MACROD2: variants seen among roughly 807,000 people sequenced by gnomAD.
MACROD2 encodes the protein mono-ADP ribosylhydrolase 2.
Under a neutral mutation model 70.4 loss-of-function variants are expected in MACROD2, and 36 were observed. The ratio of observed to expected loss-of-function variants is 0.51; its 90% CI spans 0.39 to 0.68. MACROD2 has a LOEUF of 0.68. Among genes scored for constraint, MACROD2 ranks in the 30% least tolerant of loss-of-function variants. The pLI is 0.00. For missense variants in MACROD2, 496 were observed against 538.4 expected, an observed-to-expected ratio of 0.92 and a Z score of 0.78; for synonymous variants, 172 against 178.8, an observed-to-expected ratio of 0.96 and a Z score of 0.30.
chr20:15,490,818 C>T (rs2047222773), intron 7 of MACROD2, among the ~76,000 whole-genome samples: 1 of 152,110 alleles, frequency 6.6e-6, no homozygotes, highest in Non-Finnish European at 1.5e-5. Flanking sequence ...GCTACTTGAG[C>T]TAATGGGAGT....
intron 3 of MACROD2, chr20:14,128,352 T>A (rs1313354375): frequency 1.3e-5 from 2 of 157,068 alleles, no homozygotes; most frequent in East Asian, 1.8e-4. Context: ...AATGCCTTCA[T>A]TATGGAAATA....
chr20:15,243,904 C>T (rs886314818), intron 6 of MACROD2, among the ~76,000 whole-genome samples: 4 of 151,218 alleles, frequency 2.6e-5, no homozygotes, highest in South Asian at 2.1e-4. Flanking sequence ...CCAGCCTGGG[C>T]GACAGAGCGA....
At position 15,780,871 on chromosome 20, in the gene MACROD2, C is replaced by T. The variant is rs528463894; in HGVS notation, c.646-81874C>T. 5.1e-4 allele frequency among the ~76,000 whole-genome samples: 77 copies of T among 152,122 alleles called. 2 individuals carry two copies. Among genetic ancestry groups the T allele is most frequent in the Admixed American group, 1.6e-3 (24 of 15,280 alleles). ...CTCATGAATGCCCTCCTGGTTTCTG[C>T]TCTGAGTGTGTGGGTAGATGGTGAC... is the stretch of plus-strand genomic sequence containing the variant. On this transcript the variant is annotated intron_variant, in intron 8 of 17. Coordinates refer to ENST00000684519, the MANE Select transcript of MACROD2 (RefSeq NM_001351661.2).
At chr20:14,204,681 C>T (rs2081508780) in intron 3 of MACROD2, among the ~76,000 whole-genome samples, 1 of 152,180 alleles carries the variant, frequency 6.6e-6, no homozygotes, top group South Asian at 2.1e-4. Flanking sequence ...CCGGCCAGGC[C>T]AGCTGTTTCA....
intron 5 of MACROD2, among the ~76,000 whole-genome samples, chr20:14,992,311 A>G (rs1238361666): frequency 6.6e-6 from 1 of 152,196 alleles, no homozygotes; most frequent in Non-Finnish European, 1.5e-5. Context: ...TGGTGTCTCT[A>G]TCTGTAGAAT....
intron 3 of MACROD2, chr20:14,127,850 C>A: frequency 4.3e-6 from 2 of 466,570 alleles, no homozygotes; most frequent in Non-Finnish European, 8.5e-6. Context: ...CAGGAAGCAC[C>A]AACTCTAAGC....
intron 15 of MACROD2, among the ~76,000 whole-genome samples, chr20:15,995,250 A>T (rs1206802502): frequency 6.6e-6 from 1 of 152,038 alleles, no homozygotes; most frequent in Non-Finnish European, 1.5e-5. Context: ...TATAGACACT[A>T]TCACTGAAAC....
intron 7 of MACROD2, among the ~76,000 whole-genome samples, chr20:15,438,679 T>G (rs182906652): frequency 7.4e-4 from 112 of 152,308 alleles, no homozygotes; most frequent in African/African-American, 2.7e-3. Context: ...CTCATGTTGC[T>G]CCATAGATTG....
intron 8 of MACROD2, among the ~76,000 whole-genome samples, chr20:15,518,733 TC>T (rs2047603891): frequency 6.6e-6 from 1 of 152,144 alleles, no homozygotes; most frequent in Non-Finnish European, 1.5e-5. Context: ...GTGCGGTGGC[TC>T]ACACCTGTAA....
chr20:14,746,811 A>C (rs906789097), intron 5 of MACROD2, among the ~76,000 whole-genome samples: 43 of 152,244 alleles, frequency 2.8e-4, no homozygotes, highest in African/African-American at 1.0e-3. Context: ...TTTTTTCGTA[A>C]GAGTCACTTG....
chr20:15,936,340 A>G (rs2065660408), intron 11 of MACROD2, among the ~76,000 whole-genome samples: 1 of 148,608 alleles, frequency 6.7e-6, no homozygotes, highest in Non-Finnish European at 1.5e-5. Flanking sequence ...GAATATGTAT[A>G]TATAACTATG....
chr20:14,582,286 G>A (rs189906939), intron 4 of MACROD2, among the ~76,000 whole-genome samples: 101 of 151,762 alleles, frequency 6.7e-4, no homozygotes, highest in African/African-American at 2.3e-3. Flanking sequence ...AATACATTCA[G>A]TTTATCATAT....
At chr20:14,278,070 A>G (rs1601428301) in intron 3 of MACROD2, among the ~76,000 whole-genome samples, 1 of 152,246 alleles carries the variant, frequency 6.6e-6, no homozygotes, top group Admixed American at 6.5e-5. Context: ...GAGAGGAGTT[A>G]TAAGATCATT....
chr20:14,604,002 A>G (rs1192676039), intron 4 of MACROD2, among the ~76,000 whole-genome samples: 3 of 152,006 alleles, frequency 2.0e-5, no homozygotes, highest in Admixed American at 6.6e-5. Flanking sequence ...CAGATTCCTC[A>G]TTCACCTTCA....
Position 15,853,101 on chromosome 20 carries a change from G to A in MACROD2, c.646-9644G>A, listed in dbSNP as rs148239885. Among the ~76,000 whole-genome samples, 1,372 of 152,194 alleles carry A rather than the reference G, an allele frequency of 9.0e-3. 11 individuals are homozygous for A. The highest frequency in any genetic ancestry group is 0.014 in the Non-Finnish European group (921 of 67,996). On this transcript the variant is annotated intron_variant, in intron 8 of 17. Coordinates refer to ENST00000684519, the MANE Select transcript of MACROD2 (RefSeq NM_001351661.2). ...TGATATTCTCATCTGGCTATACCTC[G>A]TCTTAACCTGGCTTACAAGGTCAGG... is the stretch of plus-strand genomic sequence containing the variant.
intron 8 of MACROD2, among the ~76,000 whole-genome samples, chr20:15,554,567 A>G (rs1285016348): frequency 1.3e-5 from 2 of 151,602 alleles, no homozygotes; most frequent in African/African-American, 4.8e-5. Flanking sequence ...AAAAAGAAAT[A>G]TCAAATTATA....
chr20:14,686,045 C>G (rs1162987690), intron 5 of MACROD2, among the ~76,000 whole-genome samples: 1 of 152,044 alleles, frequency 6.6e-6, no homozygotes, highest in Non-Finnish European at 1.5e-5. Context: ...TTTTCTTTAT[C>G]AATATAATAT....
chr20:15,327,644 A>G (rs1173864332), intron 6 of MACROD2, among the ~76,000 whole-genome samples: 2 of 151,950 alleles, frequency 1.3e-5, no homozygotes, highest in African/African-American at 4.8e-5. Context: ...ACCTCCCACA[A>G]CACATGGGGG....
chr20:14,725,496 AG>A (rs1435788522), intron 5 of MACROD2, among the ~76,000 whole-genome samples: 2 of 152,112 alleles, frequency 1.3e-5, no homozygotes, highest in South Asian at 2.1e-4. Flanking sequence ...TAGAATATGA[AG>A]CCCTTAGCAT....
Sources: allele counts gnomAD v4.1 joint callset (sites outside exome capture counted in the v4.1 genomes callset), GRCh38; gene constraint gnomAD v4.1.1; transcripts MANE v1.5; gene names NCBI Gene and HGNC (gene_info 2026-07-23, HGNC 2026-07-21).